The following CADM1 variants were observed in gnomAD, a reference collection of about 807,000 sequenced individuals.
CADM1 encodes the protein TSLC-1.
CADM1 carries 15 observed loss-of-function variants against 53.1 expected under a neutral mutation model. The observed-to-expected ratio is 0.28, with a 90% CI of 0.19 to 0.44. The LOEUF (loss-of-function observed/expected upper bound fraction) is 0.44. Among genes scored for constraint, CADM1 ranks in the 20% least tolerant of loss-of-function variants. The pLI is 1.00. For missense variants in CADM1, 434 were observed against 611.3 expected (o/e 0.71, Z 3.06); for synonymous variants, 281 against 243.0 (o/e 1.16, Z -1.45).
At chr11:115,341,296 C>A (rs1945440079) in intron 1 of CADM1, among the ~76,000 whole-genome samples, 1 of 152,122 alleles carries the variant, frequency 6.6e-6, no homozygotes, top group South Asian at 2.1e-4. Flanking sequence ...ATATTCTGAT[C>A]AATTTAGGTG....
Position 115,438,631 on chromosome 11 carries a change from T to C in CADM1, c.124+65640A>G, listed in dbSNP as rs181968084. Among the ~76,000 whole-genome samples the C allele has an allele frequency of 2.6e-5, 4 of 152,312 alleles. No homozygotes were observed. The East Asian group carries it at 7.7e-4, about 29-fold the overall frequency. On this transcript the variant is annotated intron_variant, in intron 1 of 11. Coordinates refer to ENST00000331581, the MANE Select transcript of CADM1 (RefSeq NM_001301043.2). The stretch of plus-strand genomic sequence containing the variant: ...CCACTCACAAATGACACAGCTTTCA[T>C]TAAAATGATCATTTAGAATTTTTAG...
intron 7 of CADM1, among the ~76,000 whole-genome samples, chr11:115,211,293 C>A (rs576361464): frequency 6.2e-4 from 94 of 152,046 alleles, no homozygotes; most frequent in African/African-American, 2.1e-3. Flanking sequence ...GACCCCTGAG[C>A]CCAGCACTAA....
At chr11:115,306,072 C>CCACACA (rs6144515) in intron 1 of CADM1, among the ~76,000 whole-genome samples, 1,835 of 130,420 alleles carry the variant, frequency 0.014, 63 homozygotes, top group African/African-American at 0.047. Flanking sequence ...AGGATATATA[C>CCACACA]CACACACACA....
chr11:115,245,191 T>C lies in CADM1; in HGVS notation c.125-4771A>G, dbSNP rs1432700277. Among the ~76,000 whole-genome samples, 9 of 152,158 alleles carry C rather than the reference T, an allele frequency of 5.9e-5. No individual in the cohort carries two copies. The East Asian group carries it at 1.7e-3, about 29-fold the overall frequency. ...ACAGTCCCTTGTAGCAAAATCATAT[T>C]AGGAAAACTAATCATATTAGGAAAA... On this transcript the variant is annotated intron_variant, in intron 1 of 11. Transcript: ENST00000331581.
intron 1 of CADM1, among the ~76,000 whole-genome samples, chr11:115,281,200 T>C (rs1333473645): frequency 1.3e-5 from 2 of 152,238 alleles, no homozygotes; most frequent in African/African-American, 2.4e-5. Context: ...GGAAGATGCC[T>C]GACCATAGTT....
intron 1 of CADM1, among the ~76,000 whole-genome samples, chr11:115,432,745 T>C (rs1180155346): frequency 6.6e-6 from 1 of 152,168 alleles, no homozygotes. Context: ...TCCACCTACT[T>C]AAAACTGCTC....
At chr11:115,214,012 A>T (rs1941071897) in intron 7 of CADM1, among the ~76,000 whole-genome samples, 1 of 152,186 alleles carries the variant, frequency 6.6e-6, no homozygotes. Context: ...TTGACTAGAG[A>T]ATAAAATTCA....
At chr11:115,467,027 A>G (rs1319868055) in intron 1 of CADM1, among the ~76,000 whole-genome samples, 2 of 152,148 alleles carry the variant, frequency 1.3e-5, no homozygotes, top group African/African-American at 4.8e-5. Flanking sequence ...GCCACCTTCC[A>G]CTTAGGACCC....
intron 1 of CADM1, among the ~76,000 whole-genome samples, chr11:115,346,750 T>A (rs953076950): frequency 3.3e-5 from 5 of 152,114 alleles, no homozygotes; most frequent in African/African-American, 1.2e-4. Flanking sequence ...CCAGAATCCA[T>A]CACACCTTAT....
intron 1 of CADM1, among the ~76,000 whole-genome samples, chr11:115,280,001 G>C (rs1382129156): frequency 1.1e-4 from 16 of 152,180 alleles, no homozygotes; most frequent in Admixed American, 1.0e-3. Context: ...AAGGACAGCA[G>C]ACTTGGCCGC....
rs577035546 is a variant in CADM1, at chr11:115,282,498, G to C, written c.125-42078C>G. On this transcript the variant is annotated intron_variant, in intron 1 of 11. Coordinates refer to ENST00000331581, the MANE Select transcript of CADM1 (RefSeq NM_001301043.2). ...CTGACGACACTATAGTTAGCAACTT[G>C]GGTTCACAATCACCAGTGCATTCTT... Among the ~76,000 whole-genome samples, 5 of 152,288 alleles carry C rather than the reference G, an allele frequency of 3.3e-5. No individual in the cohort carries two copies. In the South Asian group the frequency reaches 1.0e-3, roughly 32 times the overall value.
In CADM1 at chr11:115,504,333, G is replaced by A; in HGVS notation, c.62C>T (p.Pro21Leu). Residue 21 changes from proline to leucine, a missense_variant, in exon 1 of 12, where the codon CCT (proline) becomes CTT (leucine). This residue lies in a region of CADM1 where 76 missense variants were observed against 59.8 expected (regional missense o/e 1.27). Coordinates refer to ENST00000331581, the MANE Select transcript of CADM1 (RefSeq NM_001301043.2). Reference sequence around the variant, plus strand: ...CAGAAGCCGGAGCCGGAGCCCGGGAGGCGCCGCCGCCGCCGCTGCCGCCGC... The same window carrying A: ...CAGAAGCCGGAGCCGGAGCCCGGGAAGCGCCGCCGCCGCCGCTGCCGCCGC... ...QCAAAAAAAA[P>L]PGLRLRLLLL... is the part of the protein sequence containing the mutation. 6.4e-7 allele frequency: 1 copy of A among 1,551,214 alleles called. No homozygotes were observed. Among genetic ancestry groups the A allele is most frequent in the Admixed American group, 2.0e-5 (1 of 51,052 alleles).
At chr11:115,354,520 C>T (rs972720169) in intron 1 of CADM1, among the ~76,000 whole-genome samples, 1 of 152,138 alleles carries the variant, frequency 6.6e-6, no homozygotes, top group Admixed American at 6.5e-5. Context: ...TGATGACGGA[C>T]CCTTCTACTA....
At chr11:115,496,375 G>A (rs753538277) in intron 1 of CADM1, among the ~76,000 whole-genome samples, 2 of 152,176 alleles carry the variant, frequency 1.3e-5, no homozygotes, top group African/African-American at 2.4e-5. Flanking sequence ...GATAAAGAGA[G>A]TATTTTATGC....
chr11:115,288,131 A>G (rs1943780853), intron 1 of CADM1, among the ~76,000 whole-genome samples: 1 of 152,196 alleles, frequency 6.6e-6, no homozygotes, highest in South Asian at 2.1e-4. Flanking sequence ...AGTGTGTTTC[A>G]TTCTAGGCAA....
rs1057166 is a variant in CADM1, at chr11:115,180,702, C to T, written c.1166-1927G>A. 5.3e-5 allele frequency among the ~76,000 whole-genome samples: 8 copies of T among 151,844 alleles called. No homozygotes were observed. The South Asian group carries it at 6.2e-4, about 12-fold the overall frequency. On this transcript the variant is annotated intron_variant, in intron 10 of 11. Transcript: ENST00000331581. ...ATTCCCCGTGGGGTGCTGCTGGACA[C>T]GGGGTGTCTGCTGGAGGAGAGCGCT...
chr11:115,382,326 G>GA (rs575739863), intron 1 of CADM1, among the ~76,000 whole-genome samples: 66 of 150,222 alleles, frequency 4.4e-4, no homozygotes, highest in South Asian at 8.4e-4. Flanking sequence ...AGTCACACAA[G>GA]AAAAAAAAAT....
Position 115,173,943 on chromosome 11 carries a change from A to G in CADM1, c.*2531T>C. On this transcript the variant is annotated 3_prime_UTR_variant, in exon 12 of 12. Coordinates refer to ENST00000331581, the MANE Select transcript of CADM1 (RefSeq NM_001301043.2). ...TTCTTTCTTCACTCTAAAAAAAGTG[A>G]TCAACCTGTACAAAGTAATACTCAA... 1.0e-6 allele frequency: 1 copy of G among 968,754 alleles called. No individual in the cohort carries two copies. The highest frequency in any genetic ancestry group is 1.2e-6 in the Non-Finnish European group (1 of 814,778). 60.0% of individuals were successfully genotyped at this position (968,754 alleles called of 1,614,324 possible).
chr11:115,405,951 T>A (rs957700907), intron 1 of CADM1, among the ~76,000 whole-genome samples: 2 of 152,162 alleles, frequency 1.3e-5, no homozygotes, highest in Admixed American at 6.5e-5. Flanking sequence ...AGTGTTAAGA[T>A]GTGACAAAGC....
Sources: gnomAD v4.1 joint callset for allele counts (sites outside exome capture counted in the v4.1 genomes callset) on GRCh38, gnomAD v4.1.1 for gene constraint, gnomAD v4.1.1 regional missense constraint, MANE v1.5 for transcripts, NCBI Gene and HGNC (gene_info 2026-07-23, HGNC 2026-07-21) for gene names.